Variants in STK32A observed in about 807,000 individuals in gnomAD.
The protein encoded by STK32A is serine/threonine kinase 32A.
Under a neutral mutation model 53.2 loss-of-function variants are expected in STK32A, and 41 were observed. The observed-to-expected ratio is 0.77, with a 90% CI of 0.60 to 1.00. The LOEUF (loss-of-function observed/expected upper bound fraction) is 1.00. STK32A is among the 50% of genes least tolerant of loss of function. The pLI, the probability that STK32A is intolerant of heterozygous loss-of-function variation, is 0.00. For synonymous variants in STK32A, 166 were observed against 162.8 expected, an observed-to-expected ratio of 1.02 and a Z score of -0.15; for missense variants, 458 against 485.8, an observed-to-expected ratio of 0.94 and a Z score of 0.54.
At position 147,294,307 on chromosome 5, in the gene STK32A, C is replaced by G. The variant is rs529655465; in HGVS notation, c.260+14909C>G. 9.3e-4 allele frequency among the ~76,000 whole-genome samples: 142 copies of G among 152,270 alleles called. 1 individual carries two copies. The highest frequency in any genetic ancestry group is 3.3e-3 in the African/African-American group (138 of 41,558). ...TGAGACAGAGTCTCACTCTGCCCAGCCTGGAGTGCAGTGGCATGATCTCGG... is the reference window on the plus strand; with the variant it reads ...TGAGACAGAGTCTCACTCTGCCCAGGCTGGAGTGCAGTGGCATGATCTCGG... On this transcript the variant is annotated intron_variant, in intron 4 of 12. Coordinates refer to ENST00000397936, the MANE Select transcript of STK32A (RefSeq NM_001112724.2).
chr5:147,279,422 G>C, intron 4 of STK32A, 24 bp downstream of exon 4: 1 of 1,551,064 alleles, frequency 6.4e-7, no homozygotes, highest in Non-Finnish European at 8.7e-7. Context: ...CTGGACCTCT[G>C]AATAGAGACA....
intron 8 of STK32A, among the ~76,000 whole-genome samples, chr5:147,368,429 C>T (rs576373558): frequency 1.1e-4 from 16 of 152,106 alleles, no homozygotes; most frequent in Non-Finnish European, 2.2e-4. Context: ...TTCTCTATAG[C>T]ATGTATCCCA....
At chr5:147,323,446 G>A (rs1016772268) in intron 4 of STK32A, among the ~76,000 whole-genome samples, 3 of 152,126 alleles carry the variant, frequency 2.0e-5, no homozygotes, top group Non-Finnish European at 4.4e-5. Flanking sequence ...CTGTTATAAT[G>A]TTGCTGGGCA....
chr5:147,249,125 T>C lies in STK32A; in HGVS notation c.52+9439T>C, dbSNP rs1753872925. 2.0e-5 allele frequency among the ~76,000 whole-genome samples: 3 copies of C among 151,602 alleles called. No individual in the cohort carries two copies. The Admixed American group carries it at 2.0e-4, about 10-fold the overall frequency. ...ACAATGTAATAAGCATCCCATAAAC[T>C]TATTAAACCTATTAAAATTTAATTT... On this transcript the variant is annotated intron_variant, in intron 2 of 12. Coordinates refer to ENST00000397936, the MANE Select transcript of STK32A (RefSeq NM_001112724.2).
chr5:147,370,889 G>A (rs1756980226), intron 9 of STK32A, 119 bp downstream of exon 9: 4 of 554,136 alleles, frequency 7.2e-6, no homozygotes, highest in Non-Finnish European at 9.5e-6. Context: ...TTTGTAGAGT[G>A]TATTTTCTAG....
At chr5:147,293,999 GAAGAT>G in intron 4 of STK32A, among the ~76,000 whole-genome samples, 1 of 152,118 alleles carries the variant, frequency 6.6e-6, no homozygotes, top group Non-Finnish European at 1.5e-5. Flanking sequence ...TTTGACTGCA[GAAGAT>G]AAGATTTTCA....
chr5:147,341,602 CT>C (rs1755413420), intron 5 of STK32A, among the ~76,000 whole-genome samples: 1 of 152,166 alleles, frequency 6.6e-6, no homozygotes. Flanking sequence ...CCTCTTCCAC[CT>C]CCTGAGTGGC....
At chr5:147,238,490 C>T (rs905985795) in intron 1 of STK32A, among the ~76,000 whole-genome samples, 1 of 152,150 alleles carries the variant, frequency 6.6e-6, no homozygotes, top group Admixed American at 6.6e-5. Flanking sequence ...TGCTGCCTCT[C>T]TTTACCATTA....
intron 4 of STK32A, among the ~76,000 whole-genome samples, chr5:147,291,551 TAAA>T (rs369226227): frequency 0.3 from 43,583 of 145,674 alleles, 6,951 homozygotes; most frequent in South Asian, 0.58. Flanking sequence ...CAATTACAAT[TAAA>T]AAAAAAAAAG....
chr5:147,247,402 A>G (rs902799336), intron 2 of STK32A, among the ~76,000 whole-genome samples: 6 of 152,270 alleles, frequency 3.9e-5, no homozygotes, highest in Admixed American at 1.3e-4. Context: ...AAAAAGGACT[A>G]GAAAACTTCT....
At chr5:147,332,830 A>C (rs1754939833) in intron 5 of STK32A, among the ~76,000 whole-genome samples, 2 of 152,222 alleles carry the variant, frequency 1.3e-5, no homozygotes, top group South Asian at 4.1e-4. Context: ...TTGTGAAAAC[A>C]GGAGAATCTG....
At chr5:147,339,379 G>A (rs1328854931) in intron 5 of STK32A, among the ~76,000 whole-genome samples, 1 of 152,238 alleles carries the variant, frequency 6.6e-6, no homozygotes, top group Non-Finnish European at 1.5e-5. Flanking sequence ...GTATGGAAAT[G>A]CCTAGATGTC....
intron 4 of STK32A, among the ~76,000 whole-genome samples, chr5:147,303,464 T>G (rs1327135078): frequency 6.6e-6 from 1 of 152,198 alleles, no homozygotes; most frequent in East Asian, 1.9e-4. Flanking sequence ...AAGCACTTTT[T>G]CAGCCTCTGC....
chr5:147,259,701 C>T (rs1438680419), intron 2 of STK32A, among the ~76,000 whole-genome samples: 1 of 152,102 alleles, frequency 6.6e-6, no homozygotes, highest in Non-Finnish European at 1.5e-5. Context: ...CTTTCTTTCC[C>T]TCTCTGACTT....
At chr5:147,238,515 G>A (rs17590508) in intron 1 of STK32A, among the ~76,000 whole-genome samples, 46,515 of 152,078 alleles carry the variant, frequency 0.31, 7,888 homozygotes, top group Admixed American at 0.38. Flanking sequence ...TTAAAGTGGA[G>A]CAAAGCCGTA....
At chr5:147,252,432 TC>T (rs1007731283) in intron 2 of STK32A, among the ~76,000 whole-genome samples, 20 of 152,180 alleles carry the variant, frequency 1.3e-4, no homozygotes, top group Admixed American at 7.2e-4. Context: ...CTGATTGCTT[TC>T]CTCAGTGGGT....
At chr5:147,383,835 C>T (rs1329575475) in intron 12 of STK32A, 55 bp from the exon 13 acceptor site, 2 of 1,330,596 alleles carry the variant, frequency 1.5e-6, no homozygotes, top group Non-Finnish European at 1.0e-6. Context: ...AAGCTTAAAC[C>T]TTTCATTTTA....
intron 4 of STK32A, among the ~76,000 whole-genome samples, chr5:147,299,445 G>A (rs1317022422): frequency 1.3e-5 from 2 of 152,104 alleles, no homozygotes; most frequent in African/African-American, 4.8e-5. Flanking sequence ...TAACTGTCTG[G>A]AAATGCAGCT....
chr5:147,270,691 A>G (rs1754990446), intron 2 of STK32A, among the ~76,000 whole-genome samples: 2 of 152,246 alleles, frequency 1.3e-5, no homozygotes, highest in African/African-American at 2.4e-5. Context: ...AAATACACAT[A>G]TAAATATATG....
Sources: gnomAD v4.1 joint callset for allele counts (sites outside exome capture counted in the v4.1 genomes callset) on GRCh38, gnomAD v4.1.1 for gene constraint, MANE v1.5 for transcripts, NCBI Gene and HGNC (gene_info 2026-07-23, HGNC 2026-07-21) for gene names.